The following CLVS1 variants were observed in gnomAD, a reference collection of about 807,000 sequenced individuals.
CLVS1 encodes the protein clavesin-1.
A neutral mutation model predicts 33.1 loss-of-function variants in CLVS1; 10 were observed. That is an observed-to-expected ratio of 0.30 (90% confidence interval 0.19 to 0.51). The LOEUF (loss-of-function observed/expected upper bound fraction) is 0.51. Ranked by LOEUF, CLVS1 falls within the 20% of genes least tolerant of loss-of-function variation. The pLI is 0.97. For missense variants in CLVS1, 343 were observed against 433.4 expected, an observed-to-expected ratio of 0.79 and a Z score of 1.85; for synonymous variants, 163 against 166.1, an observed-to-expected ratio of 0.98 and a Z score of 0.14.
At chr8:61,454,308 T>C (rs1423608476) in intron 4 of CLVS1, 57 bp downstream of exon 4, 11 of 1,217,526 alleles carry the variant, frequency 9.0e-6, no homozygotes, top group Non-Finnish European at 1.3e-5. Flanking sequence ...GCTTCTATTT[T>C]CTCTCTCCCC....
At chr8:61,303,957 A>G (rs1810523607) in intron 2 of CLVS1, among the ~76,000 whole-genome samples, 1 of 152,226 alleles carries the variant, frequency 6.6e-6, no homozygotes, top group African/African-American at 2.4e-5. Context: ...GCTGGAGTAC[A>G]ATATTTGAAA....
intron 1 of CLVS1, among the ~76,000 whole-genome samples, chr8:61,085,470 TAAC>T (rs1349700805): frequency 1.3e-5 from 2 of 151,764 alleles, no homozygotes; most frequent in Non-Finnish European, 2.9e-5. Flanking sequence ...AACAAATCAA[TAAC>T]AGCCTCTCAA....
the CLVS1 span, among the ~76,000 whole-genome samples, chr8:61,031,617 G>T: frequency 1.3e-5 from 2 of 152,270 alleles, no homozygotes; most frequent in East Asian, 3.9e-4. Flanking sequence ...TCTCTGTTTG[G>T]AGTAGTAAAT....
intron 2 of CLVS1, among the ~76,000 whole-genome samples, chr8:61,211,996 C>T (rs1371501769): frequency 6.6e-6 from 1 of 152,222 alleles, no homozygotes; most frequent in Non-Finnish European, 1.5e-5. Flanking sequence ...GGCCCTCGAT[C>T]CTCTGGGGGG....
chr8:61,184,869 C>G (rs79644480), intron 2 of CLVS1, among the ~76,000 whole-genome samples: 1 of 152,106 alleles, frequency 6.6e-6, no homozygotes, highest in African/African-American at 2.4e-5. Flanking sequence ...TTTGAAAAAT[C>G]ATTTTATTGT....
intron 2 of CLVS1, among the ~76,000 whole-genome samples, chr8:61,356,632 T>C (rs545791431): frequency 4.2e-4 from 64 of 152,276 alleles, no homozygotes; most frequent in African/African-American, 1.4e-3. Flanking sequence ...TTTCTACATA[T>C]GGTTAGCCAG....
chr8:60,981,337 A>G, the CLVS1 span, among the ~76,000 whole-genome samples: 2 of 152,270 alleles, frequency 1.3e-5, no homozygotes, highest in Admixed American at 6.5e-5. Flanking sequence ...AAATGAATTT[A>G]TGTAGCTTTG....
chr8:61,158,230 A>T (rs562767043), intron 2 of CLVS1, among the ~76,000 whole-genome samples: 18 of 152,284 alleles, frequency 1.2e-4, no homozygotes, highest in African/African-American at 3.8e-4. Context: ...AAACTACATA[A>T]TGTGTGATTC....
At chr8:61,159,948 C>T (rs1033096987) in intron 2 of CLVS1, among the ~76,000 whole-genome samples, 1 of 152,150 alleles carries the variant, frequency 6.6e-6, no homozygotes. Flanking sequence ...TTGTGGGAGG[C>T]CTTCAGAAGT....
intron 2 of CLVS1, among the ~76,000 whole-genome samples, chr8:61,172,482 C>T (rs796940155): frequency 1.4e-4 from 21 of 151,998 alleles, no homozygotes; most frequent in African/African-American, 4.6e-4. Flanking sequence ...ATATGTAATG[C>T]ACATGTATTA....
At chr8:61,125,762 A>G (rs905681276) in intron 1 of CLVS1, among the ~76,000 whole-genome samples, 3 of 152,246 alleles carry the variant, frequency 2.0e-5, no homozygotes, top group African/African-American at 7.2e-5. Context: ...AGGGAATTTT[A>G]AAAAGACATA....
chr8:61,318,788 T>G (rs1039471978), intron 2 of CLVS1, among the ~76,000 whole-genome samples: 1 of 152,102 alleles, frequency 6.6e-6, no homozygotes, highest in African/African-American at 2.4e-5. Flanking sequence ...TTGTTTGTTT[T>G]AAGAGATGAT....
intron 2 of CLVS1, among the ~76,000 whole-genome samples, chr8:61,302,037 A>C (rs1268394552): frequency 6.6e-6 from 1 of 152,164 alleles, no homozygotes; most frequent in Non-Finnish European, 1.5e-5. Context: ...CATAACCATT[A>C]AAAGGAATTT....
chr8:61,260,619 A>T (rs1421891420), intron 2 of CLVS1, among the ~76,000 whole-genome samples: 1 of 152,186 alleles, frequency 6.6e-6, no homozygotes, highest in Non-Finnish European at 1.5e-5. Flanking sequence ...TGGGAGGGGC[A>T]TCTGATCTTC....
intron 3 of CLVS1, among the ~76,000 whole-genome samples, chr8:61,438,543 C>T (rs1816428870): frequency 6.6e-6 from 1 of 152,108 alleles, no homozygotes; most frequent in Non-Finnish European, 1.5e-5. Flanking sequence ...GGTATATACC[C>T]AGTAATGGGA....
At chr8:61,301,878 C>T (rs768074975) in intron 2 of CLVS1, among the ~76,000 whole-genome samples, 9 of 152,062 alleles carry the variant, frequency 5.9e-5, no homozygotes, top group Non-Finnish European at 1.3e-4. Context: ...TGGTGCATGG[C>T]GCAATATCCA....
chr8:61,429,634 A>G (rs915603099), intron 3 of CLVS1, among the ~76,000 whole-genome samples: 1 of 152,130 alleles, frequency 6.6e-6, no homozygotes, highest in African/African-American at 2.4e-5. Context: ...TGGGAGACAC[A>G]TTCAAACCAT....
chr8:61,170,892 A>G (rs1477368583), intron 2 of CLVS1, among the ~76,000 whole-genome samples: 3 of 152,234 alleles, frequency 2.0e-5, no homozygotes, highest in Admixed American at 1.3e-4. Context: ...AGAACAACAG[A>G]AAATACAGTG....
the CLVS1 span, among the ~76,000 whole-genome samples, chr8:60,988,684 T>C: frequency 1.3e-5 from 2 of 152,226 alleles, no homozygotes; most frequent in African/African-American, 4.8e-5. Context: ...TTCCAACTAC[T>C]TAAGAAGGAA....
Sources: allele counts gnomAD v4.1 joint callset (sites outside exome capture counted in the v4.1 genomes callset), GRCh38; gene constraint gnomAD v4.1.1; transcripts MANE v1.5; gene names NCBI Gene and HGNC (gene_info 2026-07-23, HGNC 2026-07-21).